FREM1: variants seen among roughly 807,000 people sequenced by gnomAD.
FREM1 encodes the protein FRAS1 related extracellular matrix 1.
In FREM1, 220 loss-of-function variants were observed where a neutral mutation model predicts 210.1. The observed-to-expected ratio is 1.05, with a 90% confidence interval of 0.94 to 1.17. The LOEUF (loss-of-function observed/expected upper bound fraction) is 1.17, where lower values mean the gene tolerates loss of function less well. Ranked by LOEUF, FREM1 falls within the 50% of genes most tolerant of loss-of-function variation. The pLI is 0.00. For missense variants in FREM1, 3,454 were observed against 2,675.5 expected (o/e 1.29, Z -6.42); for synonymous variants, 1,189 against 980.2 (o/e 1.21, Z -3.98).
intron 24 of FREM1, among the ~76,000 whole-genome samples, chr9:14,783,754 A>G (rs1849983406): frequency 6.6e-6 from 1 of 152,218 alleles, no homozygotes; most frequent in Non-Finnish European, 1.5e-5. Flanking sequence ...ATTCATTCCA[A>G]TGATTTATTT....
In FREM1 at chr9:14,761,364, A is replaced by C. The variant is rs538922738; in HGVS notation, c.5205-1463T>G. Among the ~76,000 whole-genome samples, 6 of 152,262 alleles carry C rather than the reference A, an allele frequency of 3.9e-5. No homozygotes were observed. In the East Asian group the frequency reaches 1.2e-3, roughly 29 times the overall value. Reference sequence around the variant, plus strand: ...GGGGCTCATGAATCTATATAAACATACCTGTTTATTCAGTCAGATTTAAAA... The same window carrying C: ...GGGGCTCATGAATCTATATAAACATCCCTGTTTATTCAGTCAGATTTAAAA... On this transcript the variant is annotated intron_variant, in intron 27 of 36. Coordinates refer to ENST00000380880, the MANE Select transcript of FREM1 (RefSeq NM_001379081.2).
intron 24 of FREM1, chr9:14,779,436 G>C: frequency 1.0e-6 from 1 of 972,216 alleles, no homozygotes; most frequent in Non-Finnish European, 1.2e-6. Context: ...GATGGGACCA[G>C]GAGCAACAAA....
chr9:14,890,371 G>C (rs1353811479), intron 1 of FREM1, among the ~76,000 whole-genome samples: 1 of 152,110 alleles, frequency 6.6e-6, no homozygotes, highest in Non-Finnish European at 1.5e-5. Flanking sequence ...GACGTTAAAA[G>C]CTTGCCACAA....
chr9:14,740,636 G>C (rs564454529), intron 35 of FREM1, among the ~76,000 whole-genome samples: 1 of 152,124 alleles, frequency 6.6e-6, no homozygotes, highest in South Asian at 2.1e-4. Flanking sequence ...TGATGAGTAA[G>C]TTAACCCAAA....
chr9:14,906,126 T>TA (rs1407208628), intron 1 of FREM1, among the ~76,000 whole-genome samples: 1 of 152,228 alleles, frequency 6.6e-6, no homozygotes, highest in Non-Finnish European at 1.5e-5. Context: ...AAATATTTAT[T>TA]AAACACTTGT....
chr9:14,760,442 G>T (rs1000977858), intron 27 of FREM1, among the ~76,000 whole-genome samples: 1 of 152,126 alleles, frequency 6.6e-6, no homozygotes, highest in South Asian at 2.1e-4. Context: ...AGTGTTATTT[G>T]TTTCTCTTTC....
chr9:14,756,368 A>T lies in FREM1; in HGVS notation c.5407+6T>A. 4 of 1,578,950 alleles carry T rather than the reference A, an allele frequency of 2.5e-6. No homozygotes were observed. The highest frequency in any genetic ancestry group is 3.4e-6 in the Non-Finnish European group (4 of 1,161,472). ...ACATAAAACAAACTGCAGACACAAAATGTACCTGGGTCAAACTGAATCAGT... is the reference window on the plus strand; with the variant it reads ...ACATAAAACAAACTGCAGACACAAATTGTACCTGGGTCAAACTGAATCAGT... On this transcript the variant is annotated splice_donor_region_variant and intron_variant, in intron 29 of 36. Coordinates refer to ENST00000380880, the MANE Select transcript of FREM1 (RefSeq NM_001379081.2).
intron 24 of FREM1, chr9:14,782,246 AAATG>A (rs1342700178): frequency 5.6e-6 from 2 of 354,006 alleles, no homozygotes; most frequent in African/African-American, 4.4e-5. Context: ...TTCCTGGGAT[AAATG>A]ATTTCTAAAA....
intron 25 of FREM1, among the ~76,000 whole-genome samples, chr9:14,775,077 A>G (rs1452632687): frequency 6.6e-6 from 1 of 152,182 alleles, no homozygotes; most frequent in African/African-American, 2.4e-5. Context: ...AACATCAAAT[A>G]TGTTTCAGGC....
chr9:14,843,343 G>C (rs1826012074), intron 8 of FREM1, among the ~76,000 whole-genome samples: 1 of 152,092 alleles, frequency 6.6e-6, no homozygotes, highest in Admixed American at 6.6e-5. Flanking sequence ...GCTTTGGACT[G>C]GGTTACACCA....
chr9:14,742,391 T>C (rs1452025115), intron 35 of FREM1, among the ~76,000 whole-genome samples: 1 of 152,092 alleles, frequency 6.6e-6, no homozygotes, highest in Non-Finnish European at 1.5e-5. Flanking sequence ...AAATGTACAA[T>C]GACTGCCTGA....
rs747985535 is a variant in FREM1, at chr9:14,824,108, C to G, written c.2086G>C (p.Asp696His). The change falls in exon 12 of 37, where the codon GAT becomes CAT. Residue 696 changes from aspartate (D) to histidine (H), a missense_variant. By Grantham distance (81) the Asp-to-His change is moderately conservative. Coordinates refer to ENST00000380880, the MANE Select transcript of FREM1 (RefSeq NM_001379081.2). ...PFFSFSHRHL[D>H]AGKLFMVDSI... ...TCCACCATAAATAATTTCCCAGCAT[C>G]CAAGTGTCTAAAGAGAAATACAGAG... The G allele has an allele frequency of 6.4e-7, 1 of 1,573,076 alleles. No individual in the cohort carries two copies. The highest frequency in any genetic ancestry group is 1.8e-5 in the Admixed American group (1 of 54,584).
chr9:14,845,393 C>T (rs1011445361), intron 8 of FREM1, among the ~76,000 whole-genome samples: 1 of 152,006 alleles, frequency 6.6e-6, no homozygotes, highest in Admixed American at 6.6e-5. Context: ...CAACCTCTGC[C>T]GCCCAGGTTC....
chr9:14,806,606 C>A, intron 18 of FREM1, 55 bp downstream of exon 18: 3 of 1,039,892 alleles, frequency 2.9e-6, no homozygotes, highest in South Asian at 1.4e-5. Context: ...CCTGGCCAAT[C>A]GCTTCCATAA....
chr9:14,882,843 G>A (rs1169644937), intron 1 of FREM1, among the ~76,000 whole-genome samples: 1 of 132,254 alleles, frequency 7.6e-6, no homozygotes, highest in Non-Finnish European at 1.5e-5. Flanking sequence ...AACCTGGGAG[G>A]CAGAGGTTGC....
chr9:14,776,037 T>A lies in FREM1; in HGVS notation c.4609A>T (p.Thr1537Ser), dbSNP rs763990426. ...PDLLQLTDPD[T>S]PAENLTFLLV... ...AGGAAGGTGAGGTTCTCCGCAGGTG[T>A]ATCAGGGTCGGTCAGCTGAAGGAGG... Residue 1537 changes from threonine to serine, a missense_variant, in exon 25 of 37, where the codon ACA becomes TCA. Thr to Ser is a moderately conservative substitution (Grantham distance 58, BLOSUM62 1). Coordinates refer to ENST00000380880, the MANE Select transcript of FREM1 (RefSeq NM_001379081.2). The A allele has an allele frequency of 1.2e-6, 2 of 1,613,980 alleles. No individual in the cohort carries two copies. The highest frequency in any genetic ancestry group is 1.7e-6 in the Non-Finnish European group (2 of 1,179,872).
At chr9:14,851,061 G>T (rs1827643090) in intron 6 of FREM1, among the ~76,000 whole-genome samples, 2 of 152,200 alleles carry the variant, frequency 1.3e-5, no homozygotes, top group Non-Finnish European at 2.9e-5. Flanking sequence ...CTTCCTGAGG[G>T]GATGGCTCTT....
intron 10 of FREM1, among the ~76,000 whole-genome samples, chr9:14,831,931 G>A (rs1403135055): frequency 6.6e-6 from 1 of 152,170 alleles, no homozygotes; most frequent in Non-Finnish European, 1.5e-5. Flanking sequence ...ACAGAGAATA[G>A]CTGGGGGGAC....
chr9:14,802,899 C>T (rs938028866), intron 19 of FREM1, among the ~76,000 whole-genome samples: 2 of 152,138 alleles, frequency 1.3e-5, no homozygotes, highest in African/African-American at 4.8e-5. Flanking sequence ...GGGCAGAGAT[C>T]AGGATGTTTT....
Sources: allele counts gnomAD v4.1 joint callset (sites outside exome capture counted in the v4.1 genomes callset), GRCh38; gene constraint gnomAD v4.1.1; transcripts MANE v1.5; gene names NCBI Gene and HGNC (gene_info 2026-07-23, HGNC 2026-07-21).